Variants in SLC24A2 observed in about 807,000 individuals in gnomAD.
SLC24A2 encodes solute carrier family 24 member 2.
SLC24A2 carries 36 observed loss-of-function variants against 62.0 expected under a neutral mutation model. That is an observed-to-expected ratio of 0.58 (90% confidence interval 0.44 to 0.77). SLC24A2 has a LOEUF of 0.77. Among genes scored for constraint, SLC24A2 ranks in the 30% least tolerant of loss-of-function variants. SLC24A2 has a pLI of 0.00. For synonymous variants in SLC24A2, 358 were observed against 294.0 expected, an observed-to-expected ratio of 1.22 and a Z score of -2.23; for missense variants, 846 against 817.9, an observed-to-expected ratio of 1.03 and a Z score of -0.42.
At chr9:19,886,956 A>T in the SLC24A2 span, among the ~76,000 whole-genome samples, 34 of 152,310 alleles carry the variant, frequency 2.2e-4, 1 homozygote, top group South Asian at 6.8e-3. Flanking sequence ...GCAGGAACAG[A>T]AAACAAAACA....
intron 2 of SLC24A2, among the ~76,000 whole-genome samples, chr9:19,775,920 AC>A (rs1822832017): frequency 6.6e-6 from 1 of 152,238 alleles, no homozygotes; most frequent in African/African-American, 2.4e-5. Flanking sequence ...GGAGAAAAAA[AC>A]GTTCTTAACA....
At chr9:19,530,229 C>A (rs1261829115) in intron 8 of SLC24A2, among the ~76,000 whole-genome samples, 9 of 152,028 alleles carry the variant, frequency 5.9e-5, no homozygotes, top group Non-Finnish European at 7.4e-5. Flanking sequence ...GTTTCAGGAT[C>A]CTACGTGCAA....
Position 19,529,646 on chromosome 9 carries a change from A to G in SLC24A2, c.1480-1508T>C, listed in dbSNP as rs144424511. Among the ~76,000 whole-genome samples the G allele has an allele frequency of 1.3e-3, 192 of 151,528 alleles. 1 individual carries two copies. The highest frequency in any genetic ancestry group is 6.8e-3 in the Middle Eastern group (2 of 294). ...TCCCTTTCTTTCTTAGAAGAAAAATATTTTGGACAAGGACTCAGACCCCTC... is the reference window on the plus strand; with the variant it reads ...TCCCTTTCTTTCTTAGAAGAAAAATGTTTTGGACAAGGACTCAGACCCCTC... On this transcript the variant is annotated intron_variant, in intron 8 of 10. Transcript: ENST00000341998.
At chr9:19,596,215 C>G (rs1387030411) in intron 5 of SLC24A2, among the ~76,000 whole-genome samples, 1 of 152,092 alleles carries the variant, frequency 6.6e-6, no homozygotes, top group Non-Finnish European at 1.5e-5. Flanking sequence ...CTTTGGCAAG[C>G]TAAGGCAGCT....
At chr9:20,004,817 T>C in the SLC24A2 span, among the ~76,000 whole-genome samples, 1 of 152,170 alleles carries the variant, frequency 6.6e-6, no homozygotes, top group Non-Finnish European at 1.5e-5. Context: ...GATGATTTTT[T>C]TTTTTCTTCC....
intron 4 of SLC24A2, among the ~76,000 whole-genome samples, chr9:19,603,873 G>A (rs1836914086): frequency 6.6e-6 from 1 of 152,172 alleles, no homozygotes; most frequent in African/African-American, 2.4e-5. Flanking sequence ...CCCCGTTGAG[G>A]TTCCCTCCTC....
chr9:19,612,877 A>T (rs1837216990), intron 4 of SLC24A2, among the ~76,000 whole-genome samples: 2 of 152,280 alleles, frequency 1.3e-5, no homozygotes, highest in South Asian at 4.1e-4. Flanking sequence ...GATAAAAAAC[A>T]ATTTTCATCT....
the SLC24A2 span, among the ~76,000 whole-genome samples, chr9:20,212,703 T>C: frequency 4.6e-5 from 7 of 151,240 alleles, no homozygotes; most frequent in Admixed American, 1.3e-4. Flanking sequence ...TAACTATCTA[T>C]AGATGTATCT....
the SLC24A2 span, among the ~76,000 whole-genome samples, chr9:20,037,797 G>C: frequency 6.6e-6 from 1 of 152,202 alleles, no homozygotes; most frequent in Non-Finnish European, 1.5e-5. Flanking sequence ...GGGATGGGTT[G>C]TGTAAATGGC....
In SLC24A2 at chr9:19,548,698, C is replaced by T. The variant is rs1211537624; in HGVS notation, c.1479+1439G>A. ...CGACTGCCCTGGCTGATGCACCTAA[C>T]AAGAAAATGGAGCTGTCCACAATGC... On this transcript the variant is annotated intron_variant, in intron 8 of 10. Transcript: ENST00000341998. 2.0e-5 allele frequency among the ~76,000 whole-genome samples: 3 copies of T among 152,154 alleles called. No individual in the cohort carries two copies. In the South Asian group the frequency reaches 6.2e-4, roughly 32 times the overall value.
At chr9:20,004,932 T>A in the SLC24A2 span, among the ~76,000 whole-genome samples, 1 of 152,174 alleles carries the variant, frequency 6.6e-6, no homozygotes, top group Admixed American at 6.6e-5. Flanking sequence ...AAGCATCTGT[T>A]TTCTTTATCC....
chr9:19,815,808 C>T, the SLC24A2 span, among the ~76,000 whole-genome samples: 286 of 152,146 alleles, frequency 1.9e-3, 1 homozygote, highest in African/African-American at 6.1e-3. Context: ...TACTTTTCAC[C>T]ATTTCAAGTT....
chr9:20,171,425 G>C, the SLC24A2 span, among the ~76,000 whole-genome samples: 1 of 152,020 alleles, frequency 6.6e-6, no homozygotes, highest in African/African-American at 2.4e-5. Context: ...CAGAATTGCA[G>C]AATGGATAAG....
At chr9:19,523,372 G>C (rs1164486034) in intron 9 of SLC24A2, among the ~76,000 whole-genome samples, 1 of 152,156 alleles carries the variant, frequency 6.6e-6, no homozygotes, top group African/African-American at 2.4e-5. Context: ...TATCCACTCA[G>C]AATTGTTGAT....
chr9:19,700,820 C>T (rs1478415848), intron 2 of SLC24A2, among the ~76,000 whole-genome samples: 2 of 152,176 alleles, frequency 1.3e-5, no homozygotes, highest in African/African-American at 2.4e-5. Flanking sequence ...AATTTTGTTT[C>T]CTTTAATTAA....
the SLC24A2 span, among the ~76,000 whole-genome samples, chr9:20,117,708 A>T: frequency 2.6e-5 from 4 of 152,152 alleles, no homozygotes; most frequent in African/African-American, 9.6e-5. Flanking sequence ...GGTCTGTTTG[A>T]TTCCAAGGTC....
At chr9:20,139,220 A>G in the SLC24A2 span, among the ~76,000 whole-genome samples, 1 of 152,124 alleles carries the variant, frequency 6.6e-6, no homozygotes, top group African/African-American at 2.4e-5. Context: ...AGAACTGTCT[A>G]TTATGTAGTG....
the SLC24A2 span, among the ~76,000 whole-genome samples, chr9:20,245,073 TA>T: frequency 7.9e-5 from 12 of 151,280 alleles, no homozygotes; most frequent in Admixed American, 2.6e-4. Context: ...ATGGGAAAAA[TA>T]AAAAAAAATT....
At chr9:20,306,731 C>G in the SLC24A2 span, among the ~76,000 whole-genome samples, 1 of 152,216 alleles carries the variant, frequency 6.6e-6, no homozygotes, top group Non-Finnish European at 1.5e-5. Context: ...GAGTCTCACT[C>G]TGTCACCCAG....
Sources: gnomAD v4.1 joint callset for allele counts (sites outside exome capture counted in the v4.1 genomes callset) on GRCh38, gnomAD v4.1.1 for gene constraint, MANE v1.5 for transcripts, NCBI Gene and HGNC (gene_info 2026-07-23, HGNC 2026-07-21) for gene names.